Variants in OLFM3 observed in about 807,000 individuals in gnomAD.
OLFM3 encodes the protein olfactomedin 3.
In OLFM3, 20 loss-of-function variants were observed where a neutral mutation model predicts 48.6. The ratio of observed to expected loss-of-function variants is 0.41; its 90% CI spans 0.29 to 0.60. The LOEUF is 0.60. Among genes scored for constraint, OLFM3 ranks in the 20% least tolerant of loss-of-function variants. The pLI, the probability that OLFM3 is intolerant of heterozygous loss-of-function variation, is 0.28. For synonymous variants in OLFM3, 222 were observed against 198.1 expected (o/e 1.12, Z -1.01); for missense variants, 437 against 544.3 (o/e 0.80, Z 1.96).
intron 1 of OLFM3, among the ~76,000 whole-genome samples, chr1:101,874,585 ATAAT>A (rs1440157176): frequency 2.6e-5 from 4 of 151,904 alleles, no homozygotes; most frequent in African/African-American, 9.7e-5. Flanking sequence ...TATATACTAA[ATAAT>A]TTGATCATTA....
intron 1 of OLFM3, among the ~76,000 whole-genome samples, chr1:101,953,046 C>T (rs1056311026): frequency 6.6e-6 from 1 of 152,166 alleles, no homozygotes; most frequent in African/African-American, 2.4e-5. Context: ...AAAATGCATG[C>T]TAGTTTCCAA....
intron 2 of OLFM3, among the ~76,000 whole-genome samples, chr1:101,832,409 T>C (rs1162588132): frequency 6.6e-6 from 1 of 152,228 alleles, no homozygotes; most frequent in East Asian, 1.9e-4. Context: ...CAATGAATAC[T>C]GTCTTGGCCT....
At chr1:101,822,096 A>C (rs6577275) in intron 4 of OLFM3, among the ~76,000 whole-genome samples, 108,840 of 151,976 alleles carry the variant, frequency 0.72, 39,091 homozygotes, top group African/African-American at 0.76. Context: ...TAGATTAACT[A>C]TCTTTGTCCA....
At chr1:101,913,610 T>C (rs1330258756) in intron 1 of OLFM3, among the ~76,000 whole-genome samples, 1 of 151,586 alleles carries the variant, frequency 6.6e-6, no homozygotes, top group Admixed American at 6.6e-5. Context: ...GTAAAGAAGA[T>C]AATGTCAGAA....
chr1:101,982,042 A>G (rs988842371), intron 1 of OLFM3, among the ~76,000 whole-genome samples: 1 of 152,210 alleles, frequency 6.6e-6, no homozygotes, highest in East Asian at 1.9e-4. Flanking sequence ...AATGACTAAA[A>G]TGTTTTAGGT....
intron 1 of OLFM3, among the ~76,000 whole-genome samples, chr1:101,923,939 AT>A (rs1175339312): frequency 1.1e-4 from 16 of 152,288 alleles, no homozygotes; most frequent in Admixed American, 9.8e-4. Flanking sequence ...TTTGAAAAAA[AT>A]AATAGTTGAG....
chr1:101,871,928 C>T (rs1225223403), intron 1 of OLFM3, among the ~76,000 whole-genome samples: 3 of 151,738 alleles, frequency 2.0e-5, no homozygotes, highest in African/African-American at 2.4e-5. Context: ...ATATGATGAA[C>T]GTTGTCATAG....
intron 1 of OLFM3, among the ~76,000 whole-genome samples, chr1:101,904,576 T>C (rs1388104894): frequency 6.6e-6 from 1 of 152,008 alleles, no homozygotes; most frequent in African/African-American, 2.4e-5. Flanking sequence ...TTTCAACACA[T>C]GAATAAGTGG....
At chr1:101,942,740 A>T (rs1005138330) in intron 1 of OLFM3, among the ~76,000 whole-genome samples, 6 of 152,174 alleles carry the variant, frequency 3.9e-5, no homozygotes, top group African/African-American at 1.4e-4. Flanking sequence ...CCCACAGTTA[A>T]TGAATAAGTT....
chr1:101,830,959 A>C (rs915603020), intron 2 of OLFM3, 132 bp from the exon 3 acceptor site: 2 of 672,416 alleles, frequency 3.0e-6, no homozygotes, highest in Non-Finnish European at 5.0e-6. Context: ...CATATGACAC[A>C]TTTTCAGAAG....
intron 1 of OLFM3, among the ~76,000 whole-genome samples, chr1:101,876,860 C>T (rs1292363611): frequency 6.6e-6 from 1 of 151,880 alleles, no homozygotes; most frequent in Non-Finnish European, 1.5e-5. Context: ...TTGTAAATGA[C>T]AGTGTCCTAA....
rs534704997 is a variant in OLFM3 at position 101,877,829 on chromosome 1, CAT to C, written c.70-40806_70-40805del. 9.9e-5 allele frequency among the ~76,000 whole-genome samples: 15 copies of C among 151,494 alleles called. No homozygotes were observed. In the East Asian group the frequency reaches 2.9e-3, roughly 29 times the overall value. Reference sequence around the variant, plus strand: ...TTTTTTTCAAATTTTATTTATACAACATATTTTTTATTAAATCTTAGTTGTAA... The same window carrying C: ...TTTTTTTCAAATTTTATTTATACAACATTTTTTATTAAATCTTAGTTGTAA... On this transcript the variant is annotated intron_variant, in intron 1 of 5. Transcript: ENST00000370103.
chr1:101,991,309 G>A (rs1475865534), intron 1 of OLFM3, among the ~76,000 whole-genome samples: 1 of 151,884 alleles, frequency 6.6e-6, no homozygotes, highest in Admixed American at 6.6e-5. Flanking sequence ...GTCTGGTTTT[G>A]TATCTTTCCC....
At chr1:101,941,333 T>C (rs1659789434) in intron 1 of OLFM3, among the ~76,000 whole-genome samples, 1 of 152,136 alleles carries the variant, frequency 6.6e-6, no homozygotes, top group African/African-American at 2.4e-5. Context: ...AGGGTGTGGC[T>C]CAGCAGGGAA....
chr1:101,911,251 G>A (rs1658750400), intron 1 of OLFM3, among the ~76,000 whole-genome samples: 1 of 152,086 alleles, frequency 6.6e-6, no homozygotes, highest in African/African-American at 2.4e-5. Flanking sequence ...ATAGAAAATA[G>A]GAAGGAAGGG....
chr1:101,889,611 C>A, intron 1 of OLFM3, among the ~76,000 whole-genome samples: 1 of 151,884 alleles, frequency 6.6e-6, no homozygotes, highest in East Asian at 1.9e-4. Context: ...TGTAACAAAC[C>A]TACACGTTGT....
At chr1:101,893,844 C>A (rs1658095477) in intron 1 of OLFM3, 1 of 153,316 alleles carries the variant, frequency 6.5e-6, no homozygotes. Flanking sequence ...TTGACAAACT[C>A]CTTGCTGGAA....
At chr1:101,812,049 G>A (rs2100870839) in intron 4 of OLFM3, among the ~76,000 whole-genome samples, 1 of 152,070 alleles carries the variant, frequency 6.6e-6, no homozygotes, top group Non-Finnish European at 1.5e-5. Context: ...CATGGATGAA[G>A]CTGGAAACCA....
intron 1 of OLFM3, among the ~76,000 whole-genome samples, chr1:101,973,676 C>T (rs531802313): frequency 7.2e-5 from 11 of 152,086 alleles, no homozygotes; most frequent in African/African-American, 2.2e-4. Flanking sequence ...AAGAGTAGAA[C>T]AATTGGTCTT....
Sources: gnomAD v4.1 joint callset for allele counts (sites outside exome capture counted in the v4.1 genomes callset) on GRCh38, gnomAD v4.1.1 for gene constraint, MANE v1.5 for transcripts, NCBI Gene and HGNC (gene_info 2026-07-23, HGNC 2026-07-21) for gene names.